The following TRPM2 variants were observed in gnomAD, a reference collection of about 807,000 sequenced individuals.
TRPM2 encodes transient receptor potential cation channel subfamily M member 2, also known as estrogen-responsive element-associated gene 1 protein.
Under a neutral mutation model 174.0 loss-of-function variants are expected in TRPM2, and 161 were observed. That is an observed-to-expected ratio of 0.93 (90% CI 0.81 to 1.05). The LOEUF is 1.05. Ranked by LOEUF, TRPM2 falls within the 50% of genes least tolerant of loss-of-function variation. The pLI, the probability that TRPM2 is intolerant of heterozygous loss-of-function variation, is 0.00. For synonymous variants in TRPM2, 954 were observed against 861.3 expected (o/e 1.11, Z -1.88); for missense variants, 2,057 against 2,038.0 (o/e 1.01, Z -0.18).
intron 27 of TRPM2, among the ~76,000 whole-genome samples, chr21:44,431,722 C>T (rs555253247): frequency 1.7e-4 from 26 of 152,294 alleles, no homozygotes; most frequent in African/African-American, 5.5e-4. Flanking sequence ...GTGATCCGCC[C>T]GCCTTGGCCT....
rs751365397 is a variant in TRPM2, at chr21:44,440,948, G to A, written c.4386+43G>A. The A allele has an allele frequency of 1.9e-5, 30 of 1,569,864 alleles. 1 individual carries two copies. The South Asian group carries it at 3.3e-4, about 17-fold the overall frequency. On this transcript the variant is annotated intron_variant, in intron 31 of 31. Transcript: ENST00000397928. ...CTGGAGGCGGGAGTGGGGAGGCAGG[G>A]ACGGGTATGGGCGTGGCCTCCGGGG...
intron 13 of TRPM2, among the ~76,000 whole-genome samples, chr21:44,398,345 T>G (rs2146270397): frequency 6.6e-6 from 1 of 152,166 alleles, no homozygotes; most frequent in South Asian, 2.1e-4. Context: ...GGATTACAGC[T>G]GCCTGCCACC....
chr21:44,417,091 C>A (rs112334157), intron 20 of TRPM2, among the ~76,000 whole-genome samples: 3 of 134,688 alleles, frequency 2.2e-5, no homozygotes, highest in South Asian at 2.6e-4. Context: ...TGGCTCTGCT[C>A]TCTGTGGCAT....
chr21:44,428,103 T>C (rs539401633), intron 27 of TRPM2, among the ~76,000 whole-genome samples: 2 of 152,282 alleles, frequency 1.3e-5, no homozygotes, highest in African/African-American at 4.8e-5. Context: ...GAAGAGCACT[T>C]TCTGTATGCA....
chr21:44,376,139 T>C lies in TRPM2; in HGVS notation c.952+126T>C. The C allele has an allele frequency of 8.7e-7, 1 of 1,147,286 alleles. No individual in the cohort carries two copies. Among genetic ancestry groups the C allele is most frequent in the Non-Finnish European group, 1.2e-6 (1 of 814,530 alleles). 71.1% of individuals were successfully genotyped at this position (1,147,286 alleles called of 1,614,324 possible). ...GCGTTTGGCAGAGAGTGCAGTGGGC[T>C]GGTCAGAGTGTCAGGTACAGCTGGT... On this transcript the variant is annotated intron_variant, in intron 6 of 31. Transcript: ENST00000397928. The surrounding 1 kb of genome is among the most constrained non-coding windows in gnomAD (Gnocchi z 4.2).
At chr21:44,430,887 C>A (rs1374978782) in intron 27 of TRPM2, among the ~76,000 whole-genome samples, 1 of 117,898 alleles carries the variant, frequency 8.5e-6, no homozygotes, top group Admixed American at 9.4e-5. Context: ...CCATAATATT[C>A]TTTTATGATT....
chr21:44,419,478 G>T (rs1389394815), intron 22 of TRPM2, among the ~76,000 whole-genome samples: 1 of 101,136 alleles, frequency 9.9e-6, no homozygotes, highest in South Asian at 3.4e-4. Flanking sequence ...ATCTGCTAAC[G>T]TGGCTGGTGC....
At chr21:44,365,739 G>A (rs2146149182) in intron 3 of TRPM2, among the ~76,000 whole-genome samples, 1 of 152,250 alleles carries the variant, frequency 6.6e-6, no homozygotes. Context: ...AGGGAGAAAT[G>A]CCTGTGGCCT....
chr21:44,425,566 G>T (rs2050733558), intron 24 of TRPM2, 104 bp from the exon 25 acceptor site: 6 of 1,342,952 alleles, frequency 4.5e-6, no homozygotes, highest in Non-Finnish European at 1.9e-6. Flanking sequence ...AGGTGGAGGA[G>T]CCCAGATGTT....
rs149560572 is a variant in TRPM2, at chr21:44,431,718, C to T, written c.3975-3413C>T. On this transcript the variant is annotated intron_variant, in intron 27 of 31. Coordinates refer to ENST00000397928, the MANE Select transcript of TRPM2 (RefSeq NM_003307.4). Reference sequence around the variant, plus strand: ...GTCTTGAACTCCTGACCTCGTGATCCGCCCGCCTTGGCCTCCCAATGTGCT... The same window carrying T: ...GTCTTGAACTCCTGACCTCGTGATCTGCCCGCCTTGGCCTCCCAATGTGCT... Among the ~76,000 whole-genome samples the T allele has an allele frequency of 2.2e-3, 331 of 152,296 alleles. 2 individuals carry two copies. The highest frequency in any genetic ancestry group is 7.0e-3 in the African/African-American group (291 of 41,566).
chr21:44,396,932 T>TGTGGGGGGG (rs2049446076), intron 12 of TRPM2, among the ~76,000 whole-genome samples: 1 of 59,612 alleles, frequency 1.7e-5, no homozygotes. Flanking sequence ...GTGTGGGGGG[T>TGTGGGGGGG]TGTGGAGGGC....
Position 44,439,511 on chromosome 21 carries a change from C to G in TRPM2, c.4269+343C>G, listed in dbSNP as rs778258011. On this transcript the variant is annotated intron_variant, in intron 30 of 31. Coordinates refer to ENST00000397928, the MANE Select transcript of TRPM2 (RefSeq NM_003307.4). This position sits in a 1 kb window ranked among gnomAD's most constrained non-coding sequence, Gnocchi z 5.1. ...CTCCTCCCCACATCCACCCTTGCCT[C>G]GAGCACAGCTGCGCCCAAGGGTGCT... 1.3e-5 allele frequency among the ~76,000 whole-genome samples: 2 copies of G among 152,140 alleles called. No individual in the cohort carries two copies. Among genetic ancestry groups the G allele is most frequent in the Non-Finnish European group, 2.9e-5 (2 of 68,024 alleles).
chr21:44,425,850 C>G, intron 25 of TRPM2, 23 bp downstream of exon 25: 1 of 1,537,008 alleles, frequency 6.5e-7, no homozygotes, highest in Non-Finnish European at 8.8e-7. Context: ...CCAAGCCCAA[C>G]CAGGCGGAGT....
In TRPM2 at chr21:44,377,714, G is replaced by T. The variant is rs1258724702; in HGVS notation, c.955G>T (p.Val319Leu). The T allele has an allele frequency of 9.9e-6, 16 of 1,614,118 alleles. No homozygotes were observed. Among genetic ancestry groups the T allele is most frequent in the Non-Finnish European group, 1.3e-5 (15 of 1,180,036 alleles). Residue 319 changes from valine (V) to leucine (L), a missense_variant and splice_region_variant, in exon 7 of 32, where the codon GTG (valine) becomes TTG (leucine). By Grantham distance (32) the Val-to-Leu change is conservative. Coordinates refer to ENST00000397928, the MANE Select transcript of TRPM2 (RefSeq NM_003307.4). ...ACTCGGCTGTGTGCTTTTTCTAGGT[G>T]TGGCCATCAAGATCCCCATCGTGTG... ...ISEQTKERGG[V>L]AIKIPIVCVV...
At chr21:44,417,254 G>T (rs1247212028) in intron 20 of TRPM2, among the ~76,000 whole-genome samples, 3 of 133,878 alleles carry the variant, frequency 2.2e-5, no homozygotes, top group African/African-American at 8.7e-5. Context: ...GCTCTCTGTG[G>T]CATCACAGTG....
At chr21:44,374,465 A>G (rs1286901706) in intron 5 of TRPM2, among the ~76,000 whole-genome samples, 3 of 152,078 alleles carry the variant, frequency 2.0e-5, no homozygotes, top group Non-Finnish European at 4.4e-5. Context: ...CTTTATTTCT[A>G]TTATTACATT....
intron 19 of TRPM2, among the ~76,000 whole-genome samples, chr21:44,410,017 C>G (rs2050045781): frequency 6.6e-6 from 1 of 152,236 alleles, no homozygotes; most frequent in African/African-American, 2.4e-5. Flanking sequence ...TTTGACCTCA[C>G]TGTCTTGGTT....
At chr21:44,369,060 G>T (rs2048443245) in intron 4 of TRPM2, 117 bp from the exon 5 acceptor site, 2 of 1,135,828 alleles carry the variant, frequency 1.8e-6, no homozygotes, top group Admixed American at 2.9e-5. Flanking sequence ...TGAGTGAGGA[G>T]CTCTGCGTTG....
At chr21:44,350,906 G>C (rs2122996404), upstream of TRPM2, among the ~76,000 whole-genome samples, 22 of 152,242 alleles carry the variant, frequency 1.4e-4, no homozygotes, top group Admixed American at 2.6e-4. Context: ...GGGACAGCAG[G>C]CCCCGCTTCT....
Sources: gnomAD v4.1 joint callset for allele counts (sites outside exome capture counted in the v4.1 genomes callset) on GRCh38, gnomAD v4.1.1 for gene constraint, Gnocchi (gnomAD v3.1) non-coding constraint, MANE v1.5 for transcripts, NCBI Gene and HGNC (gene_info 2026-07-23, HGNC 2026-07-21) for gene names.